The following GRM8 variants were observed in gnomAD, a reference collection of about 807,000 sequenced individuals.
GRM8 encodes the protein metabotropic glutamate receptor 8.
A neutral mutation model predicts 87.2 loss-of-function variants in GRM8; 47 were observed. The observed-to-expected ratio is 0.54, with a 90% CI of 0.43 to 0.69. The LOEUF (loss-of-function observed/expected upper bound fraction) is 0.69. GRM8 is among the 30% of genes least tolerant of loss of function. GRM8 has a pLI of 0.00. For synonymous variants in GRM8, 396 were observed against 404.5 expected (o/e 0.98, Z 0.25); for missense variants, 1,019 against 1,139.2 (o/e 0.89, Z 1.52).
chr7:126,970,073 T>C (rs920323096), intron 3 of GRM8, among the ~76,000 whole-genome samples: 1 of 152,154 alleles, frequency 6.6e-6, no homozygotes, highest in African/African-American at 2.4e-5. Flanking sequence ...AGACATGTAC[T>C]GTAATCCAAG....
intron 7 of GRM8, among the ~76,000 whole-genome samples, chr7:126,718,662 G>A (rs775868981): frequency 2.0e-5 from 3 of 152,136 alleles, no homozygotes. Context: ...CAGCCCTCTA[G>A]AATTATTCAC....
At chr7:127,035,491 G>A (rs574420400) in intron 3 of GRM8, among the ~76,000 whole-genome samples, 10 of 152,272 alleles carry the variant, frequency 6.6e-5, no homozygotes, top group Non-Finnish European at 1.0e-4. Context: ...GCCACTTGGA[G>A]CGCCCAGCCA....
chr7:126,831,306 G>A (rs1795344178), intron 6 of GRM8, among the ~76,000 whole-genome samples: 5 of 152,220 alleles, frequency 3.3e-5, no homozygotes, highest in Admixed American at 2.6e-4. Flanking sequence ...GCCCCCAGAG[G>A]TGGAGCCTAC....
At chr7:126,607,951 G>C (rs996872779) in intron 8 of GRM8, among the ~76,000 whole-genome samples, 3 of 148,538 alleles carry the variant, frequency 2.0e-5, no homozygotes, top group Admixed American at 6.9e-5. Context: ...TCTGTGAAAA[G>C]TCCTACTTTT....
intron 9 of GRM8, among the ~76,000 whole-genome samples, chr7:126,468,745 C>T (rs1351777810): frequency 6.6e-6 from 1 of 152,064 alleles, no homozygotes; most frequent in Non-Finnish European, 1.5e-5. Flanking sequence ...CTAAAAGCTA[C>T]CAGAATGCTG....
chr7:127,162,919 A>C (rs1793206570), intron 2 of GRM8, among the ~76,000 whole-genome samples: 1 of 152,114 alleles, frequency 6.6e-6, no homozygotes, highest in South Asian at 2.1e-4. Context: ...CTTAACCAAA[A>C]TATCTAACTC....
chr7:126,881,773 T>G (rs1437039330), intron 6 of GRM8, among the ~76,000 whole-genome samples: 1 of 152,200 alleles, frequency 6.6e-6, no homozygotes, highest in Non-Finnish European at 1.5e-5. Context: ...TAATACTCAG[T>G]TTGTATAATA....
intron 3 of GRM8, among the ~76,000 whole-genome samples, chr7:126,905,413 T>G (rs1380256010): frequency 6.6e-6 from 1 of 152,018 alleles, no homozygotes; most frequent in African/African-American, 2.4e-5. Flanking sequence ...TGGGCTGGGG[T>G]AGGAGGAGAA....
intron 3 of GRM8, among the ~76,000 whole-genome samples, chr7:127,064,224 G>A (rs1820886365): frequency 2.0e-5 from 3 of 152,102 alleles, no homozygotes; most frequent in Admixed American, 2.0e-4. Flanking sequence ...TCAGTAAAAT[G>A]TTGAAGTTTT....
intron 3 of GRM8, among the ~76,000 whole-genome samples, chr7:127,024,485 A>G (rs769675710): frequency 3.3e-5 from 5 of 151,996 alleles, no homozygotes; most frequent in Non-Finnish European, 7.4e-5. Context: ...TTACTGTGGA[A>G]CTGGGTCTCC....
intron 2 of GRM8, among the ~76,000 whole-genome samples, chr7:127,230,191 C>T (rs770357120): frequency 6.8e-6 from 1 of 146,616 alleles, no homozygotes; most frequent in African/African-American, 2.4e-5. Flanking sequence ...CCTCTGGGTG[C>T]TCTGTGCTCA....
At chr7:127,161,301 A>G (rs1420623376) in intron 2 of GRM8, among the ~76,000 whole-genome samples, 1 of 152,188 alleles carries the variant, frequency 6.6e-6, no homozygotes, top group African/African-American at 2.4e-5. Flanking sequence ...AGATTTAGAA[A>G]AAACAAGATG....
At chr7:126,945,239 A>T (rs1407328319) in intron 3 of GRM8, among the ~76,000 whole-genome samples, 1 of 152,232 alleles carries the variant, frequency 6.6e-6, no homozygotes, top group Admixed American at 6.5e-5. Flanking sequence ...TAATAAATAC[A>T]TGGTGGTATA....
At chr7:126,588,078 A>G (rs1796330602) in intron 8 of GRM8, among the ~76,000 whole-genome samples, 1 of 152,142 alleles carries the variant, frequency 6.6e-6, no homozygotes, top group Admixed American at 6.6e-5. Flanking sequence ...TTCATCTAGA[A>G]CTCATATCTG....
At chr7:126,784,676 GACAA>G (rs1225244122) in intron 6 of GRM8, among the ~76,000 whole-genome samples, 112 of 152,274 alleles carry the variant, frequency 7.4e-4, no homozygotes, top group Non-Finnish European at 1.2e-4. Flanking sequence ...CACCATGCTA[GACAA>G]GTTGGACAGA....
At chr7:126,514,097 A>G (rs1811820472) in intron 9 of GRM8, among the ~76,000 whole-genome samples, 8 of 152,150 alleles carry the variant, frequency 5.3e-5, no homozygotes, top group Admixed American at 5.2e-4. Flanking sequence ...TGGGTACAGG[A>G]AACACAGAGA....
intron 9 of GRM8, among the ~76,000 whole-genome samples, chr7:126,498,164 T>C (rs953344326): frequency 3.3e-5 from 5 of 151,792 alleles, no homozygotes; most frequent in Non-Finnish European, 7.4e-5. Flanking sequence ...CCAAAAGACA[T>C]AGGAGAGCTG....
intron 6 of GRM8, among the ~76,000 whole-genome samples, chr7:126,899,104 A>AGTGTGTGTGTGTGT (rs71177573): frequency 0.37 from 51,944 of 139,892 alleles, 10,050 homozygotes; most frequent in East Asian, 0.57. Flanking sequence ...ACTGGTTAAC[A>AGTGTGTGTGTGTGT]GTGTGTGTGT....
At chr7:126,764,062 C>CTA (rs1817922983) in intron 7 of GRM8, among the ~76,000 whole-genome samples, 1 of 151,812 alleles carries the variant, frequency 6.6e-6, no homozygotes, top group Non-Finnish European at 1.5e-5. Flanking sequence ...TCTTAATGTT[C>CTA]TAATATTAAT....
Sources: gnomAD v4.1 joint callset for allele counts (sites outside exome capture counted in the v4.1 genomes callset) on GRCh38, gnomAD v4.1.1 for gene constraint, MANE v1.5 for transcripts, NCBI Gene and HGNC (gene_info 2026-07-23, HGNC 2026-07-21) for gene names.